Variants in DLGAP2 observed in about 807,000 individuals in gnomAD.
The protein encoded by DLGAP2 is DLG associated protein 2, also known as disks large-associated protein 2.
DLGAP2 carries 26 observed loss-of-function variants against 100.3 expected under a neutral mutation model. The ratio of observed to expected loss-of-function variants is 0.26; its 90% CI spans 0.19 to 0.36. The LOEUF (loss-of-function observed/expected upper bound fraction) is 0.36. Ranked by LOEUF, DLGAP2 falls within the 10% of genes least tolerant of loss-of-function variation. DLGAP2 has a pLI of 1.00. For missense variants in DLGAP2, 1,858 were observed against 1,453.2 expected (o/e 1.28, Z -4.53); for synonymous variants, 886 against 630.1 (o/e 1.41, Z -6.08).
chr8:1,684,739 T>C (rs1366263534), intron 12 of DLGAP2, among the ~76,000 whole-genome samples: 1 of 138,032 alleles, frequency 7.2e-6, no homozygotes, highest in Admixed American at 7.3e-5. Flanking sequence ...TTTTGTATTA[T>C]GTCAAACCAA....
chr8:1,214,309 T>C (rs1179332169), intron 2 of DLGAP2, among the ~76,000 whole-genome samples: 1 of 152,156 alleles, frequency 6.6e-6, no homozygotes, highest in African/African-American at 2.4e-5. Context: ...GCTCACTACC[T>C]GCGGCCCCGC....
At chr8:985,674 G>T (rs1800465949) in intron 2 of DLGAP2, among the ~76,000 whole-genome samples, 1 of 152,208 alleles carries the variant, frequency 6.6e-6, no homozygotes, top group Non-Finnish European at 1.5e-5. Context: ...AGAACATCTG[G>T]TAATGGCAGA....
At chr8:1,130,400 C>G (rs1796265785) in intron 2 of DLGAP2, among the ~76,000 whole-genome samples, 1 of 152,136 alleles carries the variant, frequency 6.6e-6, no homozygotes, top group Admixed American at 6.5e-5. Context: ...GATTGACATT[C>G]AAAGTAAAAC....
At chr8:1,503,277 C>A (rs1384801238) in intron 4 of DLGAP2, among the ~76,000 whole-genome samples, 2 of 151,756 alleles carry the variant, frequency 1.3e-5, no homozygotes, top group Non-Finnish European at 2.9e-5. Context: ...CCCCATGAAA[C>A]ACTCAGTCCC....
rs1463245677 is a variant in DLGAP2 at position 1,705,977 on chromosome 8, T to C, written c.*4571T>C. 1 of 152,228 alleles carries C rather than the reference T, an allele frequency of 6.6e-6. No homozygotes were observed. The highest frequency in any genetic ancestry group is 2.4e-5 in the African/African-American group (1 of 41,450). 9.4% of individuals were successfully genotyped at this position (152,228 alleles called of 1,614,324 possible). On this transcript the variant is annotated 3_prime_UTR_variant, in exon 15 of 15. Transcript: ENST00000637795. ...ATGCAGTGTGCTTCATTCAGGGCCA[T>C]GTGGCAGCCATGACACACACCACAT...
intron 2 of DLGAP2, among the ~76,000 whole-genome samples, chr8:1,039,356 GTGGTCAGCTCGGTGTGCA>G (rs1802232384): frequency 4.7e-5 from 7 of 148,980 alleles, no homozygotes; most frequent in South Asian, 4.4e-4. Flanking sequence ...CTCGGTGTGC[GTGGTCAGCTCGGTGTGCA>G]TGGTCAGCTC....
intron 12 of DLGAP2, among the ~76,000 whole-genome samples, chr8:1,688,636 T>C (rs1799174252): frequency 6.6e-6 from 1 of 152,190 alleles, no homozygotes; most frequent in Non-Finnish European, 1.5e-5. Flanking sequence ...ATTTTCTGCA[T>C]GTGTGAAAGG....
intron 3 of DLGAP2, among the ~76,000 whole-genome samples, chr8:1,298,375 C>T (rs1800242717): frequency 1.3e-5 from 2 of 152,200 alleles, no homozygotes; most frequent in South Asian, 2.1e-4. Flanking sequence ...TGGCCCCGCA[C>T]CTGGCACTGT....
chr8:1,058,944 G>GCCTT (rs1802967072), intron 2 of DLGAP2, among the ~76,000 whole-genome samples: 2 of 152,326 alleles, frequency 1.3e-5, no homozygotes, highest in African/African-American at 4.8e-5. Flanking sequence ...GCTTGAGGTG[G>GCCTT]AATGCAATTC....
intron 3 of DLGAP2, among the ~76,000 whole-genome samples, chr8:1,308,316 C>T (rs1800538828): frequency 6.6e-6 from 1 of 152,136 alleles, no homozygotes; most frequent in African/African-American, 2.4e-5. Context: ...CTGCACACGG[C>T]AAATAATACA....
Position 1,287,157 on chromosome 8 carries a change from T to TGTGTGCGC in DLGAP2, c.106+28275_106+28276insTGTGCGCG, listed in dbSNP as rs1315463950. On this transcript the variant is annotated intron_variant, in intron 3 of 14. Coordinates refer to ENST00000637795, the MANE Select transcript of DLGAP2 (RefSeq NM_001346810.2). ...GTGTGTGTGTGTGTGTGTGTGTGTG[T>TGTGTGCGC]GCGCGCGCGCGCGTGGTTCTGTTAG... Among the ~76,000 whole-genome samples the TGTGTGCGC allele has an allele frequency of 8.6e-4, 86 of 99,512 alleles. 2 individuals carry two copies. The highest frequency in any genetic ancestry group is 2.7e-3 in the African/African-American group (82 of 30,878). The allele number at this position is 99,512 out of a possible 152,430, so 65.3% of individuals were successfully genotyped here. A position where few individuals can be genotyped will look rare whatever the true frequency, so the allele number is the denominator to read the frequency against.
At chr8:740,490 G>T (rs1050251823) in intron 1 of DLGAP2, 1 of 152,254 alleles carries the variant, frequency 6.6e-6, no homozygotes, top group East Asian at 1.9e-4. Flanking sequence ...CCCTTCTGTG[G>T]CAATCTATTG....
intron 1 of DLGAP2, among the ~76,000 whole-genome samples, chr8:877,692 C>T (rs1002035566): frequency 1.3e-5 from 2 of 152,208 alleles, no homozygotes; most frequent in Non-Finnish European, 2.9e-5. Flanking sequence ...ACAGGTTCAC[C>T]TGTGTCTTGA....
chr8:993,956 T>C (rs754714939), intron 2 of DLGAP2, among the ~76,000 whole-genome samples: 8 of 152,082 alleles, frequency 5.3e-5, no homozygotes, highest in Non-Finnish European at 1.0e-4. Flanking sequence ...TGGTTTGTAA[T>C]TGTGGAGTAG....
chr8:1,022,790 C>T (rs1185207083), intron 2 of DLGAP2, among the ~76,000 whole-genome samples: 1 of 151,940 alleles, frequency 6.6e-6, no homozygotes, highest in Admixed American at 6.6e-5. Flanking sequence ...CCGAGGTAGA[C>T]ACTCCAGCCG....
At chr8:1,228,667 A>C (rs1798472933) in intron 2 of DLGAP2, among the ~76,000 whole-genome samples, 1 of 152,234 alleles carries the variant, frequency 6.6e-6, no homozygotes, top group South Asian at 2.1e-4. Context: ...GCAACATATT[A>C]ATAGAATAAA....
rs1182517747 is a variant in DLGAP2 at position 1,102,700 on chromosome 8, G to T, written c.74-156151G>T. On this transcript the variant is annotated intron_variant, in intron 2 of 14. Transcript: ENST00000637795. Reference sequence around the variant, plus strand: ...CCTGTGAAACTGTGGCCTCGTGCGTGGGGGGATTTAGGCACCTTTGCGTCT... The same window carrying T: ...CCTGTGAAACTGTGGCCTCGTGCGTTGGGGGATTTAGGCACCTTTGCGTCT... 2.0e-5 allele frequency among the ~76,000 whole-genome samples: 3 copies of T among 152,116 alleles called. No individual in the cohort carries two copies. In the South Asian group the frequency reaches 6.2e-4, roughly 32 times the overall value.
intron 2 of DLGAP2, among the ~76,000 whole-genome samples, chr8:958,755 T>G (rs1344064225): frequency 6.6e-6 from 1 of 152,164 alleles, no homozygotes; most frequent in East Asian, 1.9e-4. Flanking sequence ...TTGAACCAAG[T>G]CTTCAACTAT....
chr8:928,469 C>A (rs1326713988), intron 2 of DLGAP2, among the ~76,000 whole-genome samples: 1 of 152,114 alleles, frequency 6.6e-6, no homozygotes, highest in Non-Finnish European at 1.5e-5. Context: ...GAACAGGTCC[C>A]CAGCTTGGTG....
Sources: gnomAD v4.1 joint callset for allele counts (sites outside exome capture counted in the v4.1 genomes callset) on GRCh38, gnomAD v4.1.1 for gene constraint, MANE v1.5 for transcripts, NCBI Gene and HGNC (gene_info 2026-07-23, HGNC 2026-07-21) for gene names.